Variants in MED13 observed in about 807,000 individuals in gnomAD.
MED13 encodes the protein mediator of RNA polymerase II transcription subunit 13.
A neutral mutation model predicts 225.2 loss-of-function variants in MED13; 23 were observed. That is an observed-to-expected ratio of 0.10 (90% CI 0.07 to 0.14). The LOEUF is 0.14. Among genes scored for constraint, MED13 ranks in the 10% least tolerant of loss-of-function variants. MED13 has a pLI of 1.00. For synonymous variants in MED13, 942 were observed against 889.2 expected, an observed-to-expected ratio of 1.06 and a Z score of -1.06; for missense variants, 2,197 against 2,594.5, an observed-to-expected ratio of 0.85 and a Z score of 3.33.
rs1210546305 is a variant in MED13 at position 61,961,807 on chromosome 17, T to C, written c.5065-28A>G. 3.1e-5 allele frequency: 49 copies of C among 1,592,232 alleles called. 1 individual carries two copies. The highest frequency in any genetic ancestry group is 4.2e-5 in the Non-Finnish European group (49 of 1,166,140). On this transcript the variant is annotated intron_variant, in intron 21 of 29. Coordinates refer to ENST00000397786, the MANE Select transcript of MED13 (RefSeq NM_005121.3). ...AAGAAGTATAGGCAAATATTACAAATGTTAAACTTCCAAAAGAGAATAACA... is the reference window on the plus strand; with the variant it reads ...AAGAAGTATAGGCAAATATTACAAACGTTAAACTTCCAAAAGAGAATAACA...
intron 3 of MED13, among the ~76,000 whole-genome samples, chr17:62,048,723 C>T (rs1328421921): frequency 1.3e-5 from 2 of 152,158 alleles, no homozygotes; most frequent in East Asian, 3.9e-4. Flanking sequence ...GGGAAAACTA[C>T]TTAAGCAGGT....
chr17:62,052,350 A>G (rs555377333), intron 3 of MED13, among the ~76,000 whole-genome samples, 187 bp downstream of exon 3: 16 of 152,196 alleles, frequency 1.1e-4, no homozygotes, highest in South Asian at 4.1e-4. Flanking sequence ...GAAAATGCTT[A>G]AAGTGTATAA....
chr17:62,006,674 C>T (rs2080451791), intron 9 of MED13: 1 of 152,244 alleles, frequency 6.6e-6, no homozygotes, highest in Non-Finnish European at 1.5e-5. Context: ...TGTCTGTAAT[C>T]CCAGCACTTT....
intron 2 of MED13, among the ~76,000 whole-genome samples, chr17:62,058,795 A>G (rs2081015750): frequency 1.3e-5 from 2 of 152,226 alleles, no homozygotes; most frequent in African/African-American, 4.8e-5. Context: ...TTTGCAAATT[A>G]CTTTGCTCAA....
Position 62,031,463 on chromosome 17 carries a change from A to G in MED13, c.990T>C (p.Ser330=). ...CTATACCTGTTTGGACTTCCTCAGG[A>G]GACGTAGGTGGTGTAAGCGTAACCG... ...MSSVTLTPPT[S]PEEVQTVDPQ... Residue 330 remains serine (S), a synonymous_variant, in exon 6 of 30, where the codon TCT becomes TCC. Transcript: ENST00000397786. The G allele has an allele frequency of 6.2e-7, 1 of 1,608,642 alleles. No homozygotes were observed. Among genetic ancestry groups the G allele is most frequent in the Middle Eastern group, 1.7e-4 (1 of 6,038 alleles).
chr17:62,008,758 T>C (rs1156325053), intron 9 of MED13, among the ~76,000 whole-genome samples: 1 of 150,920 alleles, frequency 6.6e-6, no homozygotes, highest in Non-Finnish European at 1.5e-5. Context: ...AAGCCACTAG[T>C]TATAAAAAAT....
chr17:62,003,096 G>A (rs2080411320), intron 9 of MED13, among the ~76,000 whole-genome samples: 1 of 152,102 alleles, frequency 6.6e-6, no homozygotes, highest in Non-Finnish European at 1.5e-5. Context: ...CCCCAGTTGA[G>A]AAATACTACA....
At chr17:61,990,572 A>C (rs932132970) in intron 11 of MED13, among the ~76,000 whole-genome samples, 1 of 150,428 alleles carries the variant, frequency 6.6e-6, no homozygotes, top group Admixed American at 6.6e-5. Flanking sequence ...ATGTGTGTAT[A>C]TATGTATAGG....
At position 61,961,030 on chromosome 17, in the gene MED13, G is replaced by T; in HGVS notation, c.5317C>A (p.Gln1773Lys). 8 of 1,613,958 alleles carry T rather than the reference G, an allele frequency of 5.0e-6. No homozygotes were observed. Among genetic ancestry groups the T allele is most frequent in the Non-Finnish European group, 5.1e-6 (6 of 1,179,968 alleles). Residue 1773 changes from glutamine (Q) to lysine (K), a missense_variant, in exon 23 of 30, where the codon CAG (glutamine) becomes AAG (lysine). Physicochemically the swap from Gln to Lys is moderately conservative, Grantham distance 53. Transcript: ENST00000397786. ...CCAAATGTTTCTCCTAGCTCTGTCT[G>T]TTTGTCCTTCACTGGAGCCAGAATA... is the stretch of plus-strand genomic sequence containing the variant. The part of the protein sequence containing the change: ...PFILAPVKDK[Q>K]TELGETFGEA...
chr17:62,004,197 G>A (rs945062141), intron 9 of MED13: 1 of 152,294 alleles, frequency 6.6e-6, no homozygotes, highest in Admixed American at 6.5e-5. Context: ...AATTTCTATT[G>A]TGTATCCAGA....
At chr17:62,035,238 A>T (rs1309819423) in intron 4 of MED13, among the ~76,000 whole-genome samples, 2 of 152,222 alleles carry the variant, frequency 1.3e-5, no homozygotes, top group Non-Finnish European at 2.9e-5. Flanking sequence ...AACACTTTAA[A>T]CTACTTCACC....
chr17:61,990,908 GCT>G (rs1338846820), intron 11 of MED13, among the ~76,000 whole-genome samples: 4 of 152,008 alleles, frequency 2.6e-5, no homozygotes, highest in Admixed American at 6.6e-5. Context: ...CCTCAGAACA[GCT>G]CTCTTAACTT....
intron 10 of MED13, 43 bp downstream of exon 10, chr17:61,995,109 C>A: frequency 7.2e-7 from 1 of 1,385,940 alleles, no homozygotes; most frequent in Non-Finnish European, 1.0e-6. Flanking sequence ...TGCAGTGCTA[C>A]AAAATCAACA....
At chr17:62,026,285 T>C (rs1457883713) in intron 8 of MED13, among the ~76,000 whole-genome samples, 3 of 152,176 alleles carry the variant, frequency 2.0e-5, no homozygotes, top group Non-Finnish European at 4.4e-5. Context: ...CATCTATTCT[T>C]CTACCAATCA....
intron 2 of MED13, among the ~76,000 whole-genome samples, chr17:62,062,023 G>A (rs2081042711): frequency 6.6e-6 from 1 of 152,044 alleles, no homozygotes; most frequent in East Asian, 1.9e-4. Context: ...GTCTTACTAA[G>A]TACCAGTTCA....
At chr17:61,990,171 T>G (rs1026899794) in intron 11 of MED13, among the ~76,000 whole-genome samples, 5 of 152,150 alleles carry the variant, frequency 3.3e-5, no homozygotes, top group Admixed American at 6.5e-5. Context: ...TAATAACATA[T>G]TGTATACTTG....
rs775114340 is a variant in MED13 at position 61,965,185 on chromosome 17, T to C, written c.4665A>G (p.Leu1555=). Residue 1555 remains leucine (L), a synonymous_variant, in exon 20 of 30, where the codon CTA becomes CTG. Coordinates refer to ENST00000397786, the MANE Select transcript of MED13 (RefSeq NM_005121.3). ...NLNSGVSSNK[L]PSFPPFGSMN... ...TACTGCCAAAGGGTGGAAACGAAGG[T>C]AGTTTATTTGATGATACTCCACTAT... 3.7e-6 allele frequency: 6 copies of C among 1,614,164 alleles called. No individual in the cohort carries two copies. The East Asian group carries it at 8.9e-5, about 24-fold the overall frequency.
At position 62,052,596 on chromosome 17, in the gene MED13, T is replaced by C; in HGVS notation, c.411A>G (p.Val137=). Residue 137 remains valine (V), a synonymous_variant, in exon 3 of 30, where the codon GTA becomes GTG. Coordinates refer to ENST00000397786, the MANE Select transcript of MED13 (RefSeq NM_005121.3). ...GCTTTACAAACCACTTGCCAATACG[T>C]ACAAAATTCCTGTTCATTAAACACC... ...LERCLMNRNF[V]RIGKWFVKPY... 1 of 1,599,272 alleles carries C rather than the reference T, an allele frequency of 6.3e-7. No homozygotes were observed. Among genetic ancestry groups the C allele is most frequent in the South Asian group, 1.1e-5 (1 of 87,632 alleles).
chr17:61,992,483 C>T (rs1013453200), intron 11 of MED13, 57 bp downstream of exon 11: 1 of 1,015,650 alleles, frequency 9.8e-7, no homozygotes. Flanking sequence ...AATATCAGAT[C>T]AGTCTGTAGT....
Sources: gnomAD v4.1 joint callset for allele counts (sites outside exome capture counted in the v4.1 genomes callset) on GRCh38, gnomAD v4.1.1 for gene constraint, MANE v1.5 for transcripts, NCBI Gene and HGNC (gene_info 2026-07-23, HGNC 2026-07-21) for gene names.